The following ITGB6 variants were observed in gnomAD, a reference collection of about 807,000 sequenced individuals.
ITGB6 encodes the protein integrin beta-6.
Under a neutral mutation model 84.5 loss-of-function variants are expected in ITGB6, and 80 were observed. That is an observed-to-expected ratio of 0.95 (90% CI 0.79 to 1.14). The LOEUF (loss-of-function observed/expected upper bound fraction) is 1.14. Ranked by LOEUF, ITGB6 falls within the 50% of genes most tolerant of loss-of-function variation. ITGB6 has a pLI of 0.00. For missense variants in ITGB6, 1,006 were observed against 968.0 expected (o/e 1.04, Z -0.52); for synonymous variants, 383 against 354.9 (o/e 1.08, Z -0.89).
At chr2:160,138,036 T>C (rs1683828646) in intron 9 of ITGB6, 29 bp downstream of exon 9, 1 of 1,593,186 alleles carries the variant, frequency 6.3e-7, no homozygotes, top group South Asian at 1.2e-5. Flanking sequence ...CAGGTATTTA[T>C]TCAGACTATC....
rs1475767024 is a variant in ITGB6, at chr2:160,138,189, G to A, written c.1118C>T (p.Ser373Phe). 1.2e-6 allele frequency: 2 copies of A among 1,608,490 alleles called. No homozygotes were observed. Among genetic ancestry groups the A allele is most frequent in the African/African-American group, 1.3e-5 (1 of 74,578 alleles). ...TCCTAATACTTCCAGTTCCACCTCA[G>A]ACCGCAGTTCCTTTAGTTACAACAT... ...LIISAYEELRSEVELEVLGDT... is the reference protein window; with the variant it reads ...LIISAYEELRFEVELEVLGDT... Residue 373 changes from serine (S) to phenylalanine (F), a missense_variant, in exon 9 of 15, where the codon TCT (serine) becomes TTT (phenylalanine). Transcript: ENST00000283249.
intron 7 of ITGB6, among the ~76,000 whole-genome samples, chr2:160,152,910 C>A (rs972802858): frequency 6.6e-6 from 1 of 151,932 alleles, no homozygotes; most frequent in African/African-American, 2.4e-5. Context: ...AGGACCTCTT[C>A]AAGGCAAACT....
chr2:160,137,348 C>G, intron 10 of ITGB6, 86 bp downstream of exon 10: 1 of 1,286,064 alleles, frequency 7.8e-7, no homozygotes, highest in South Asian at 1.4e-5. Flanking sequence ...CTACTGTGCC[C>G]AGGAAACTGG....
intron 13 of ITGB6, among the ~76,000 whole-genome samples, chr2:160,109,974 A>G (rs1410436214): frequency 6.6e-6 from 1 of 152,242 alleles, no homozygotes; most frequent in East Asian, 1.9e-4. Context: ...TTTGGATAAC[A>G]TCGTAAATAA....
chr2:160,148,009 T>C (rs965570822), intron 7 of ITGB6, among the ~76,000 whole-genome samples: 1 of 152,224 alleles, frequency 6.6e-6, no homozygotes, highest in Non-Finnish European at 1.5e-5. Flanking sequence ...TGAAAGATGA[T>C]GTCAAAAGAA....
intron 14 of ITGB6, among the ~76,000 whole-genome samples, chr2:160,107,206 T>C (rs182473852): frequency 6.6e-6 from 1 of 152,332 alleles, no homozygotes; most frequent in Admixed American, 6.5e-5. Context: ...CATCTCAATT[T>C]TGCTTTGTAA....
chr2:160,180,849 C>G (rs1265632665), intron 4 of ITGB6, among the ~76,000 whole-genome samples: 1 of 152,170 alleles, frequency 6.6e-6, no homozygotes, highest in African/African-American at 2.4e-5. Context: ...TGAGCCGAAG[C>G]AGGGTGGGGC....
intron 6 of ITGB6, among the ~76,000 whole-genome samples, chr2:160,171,374 G>A (rs1262272760): frequency 3.0e-5 from 4 of 133,854 alleles, no homozygotes; most frequent in African/African-American, 5.5e-5. Context: ...TCGCTCTGTC[G>A]CCCAGGCTAG....
intron 10 of ITGB6, among the ~76,000 whole-genome samples, chr2:160,136,696 A>G (rs1254556374): frequency 1.3e-5 from 2 of 152,262 alleles, no homozygotes; most frequent in Non-Finnish European, 2.9e-5. Flanking sequence ...TGTGGCACAT[A>G]TACGCCATGG....
chr2:160,112,226 G>A (rs777425736), intron 12 of ITGB6, 27 bp from the exon 13 acceptor site: 1 of 1,539,372 alleles, frequency 6.5e-7, no homozygotes, highest in Non-Finnish European at 8.8e-7. Context: ...CATTCATTAG[G>A]TTAAACAAGA....
At chr2:160,116,100 C>A (rs1237357513) in intron 12 of ITGB6, among the ~76,000 whole-genome samples, 3 of 147,344 alleles carry the variant, frequency 2.0e-5, no homozygotes, top group African/African-American at 7.6e-5. Flanking sequence ...AGGATATTAT[C>A]CAGGAGAACT....
At chr2:160,118,955 C>T (rs1465103297) in intron 12 of ITGB6, among the ~76,000 whole-genome samples, 1 of 152,128 alleles carries the variant, frequency 6.6e-6, no homozygotes, top group East Asian at 1.9e-4. Flanking sequence ...ATCCAACTTA[C>T]AAGGGATGTG....
chr2:160,126,206 T>C (rs1423055495), intron 11 of ITGB6, among the ~76,000 whole-genome samples, 173 bp downstream of exon 11: 1 of 152,174 alleles, frequency 6.6e-6, no homozygotes, highest in African/African-American at 2.4e-5. Context: ...AGCGAGAGAT[T>C]GATGTTCCAG....
intron 7 of ITGB6, among the ~76,000 whole-genome samples, chr2:160,155,339 A>C (rs1341011545): frequency 6.6e-6 from 1 of 152,214 alleles, no homozygotes; most frequent in Non-Finnish European, 1.5e-5. Flanking sequence ...AACACAGAGA[A>C]GTTTTAAAGC....
intron 13 of ITGB6, among the ~76,000 whole-genome samples, chr2:160,110,835 T>A (rs1295041133): frequency 6.6e-6 from 1 of 152,154 alleles, no homozygotes; most frequent in African/African-American, 2.4e-5. Flanking sequence ...TGGGGACAGG[T>A]TCTGCTCTGC....
At position 160,110,107 on chromosome 2, in the gene ITGB6, T is replaced by C. The variant is rs149125191; in HGVS notation, c.2101+1973A>G. On this transcript the variant is annotated intron_variant, in intron 13 of 14. Transcript: ENST00000283249. ...ATCTAACATCTTTTTGTGATTCAGA[T>C]AGTTATGATGATTGTACAGCCAGTA... Among the ~76,000 whole-genome samples, 637 of 152,286 alleles carry C rather than the reference T, an allele frequency of 4.2e-3. 1 individual carries two copies. Among genetic ancestry groups the C allele is most frequent in the African/African-American group, 0.014 (597 of 41,562 alleles).
chr2:160,172,465 C>T lies in ITGB6; in HGVS notation c.921+104G>A, dbSNP rs149319210. 3.8e-4 allele frequency: 419 copies of T among 1,108,262 alleles called. 1 individual carries two copies. The African/African-American group carries it at 5.7e-3, about 15-fold the overall frequency. 68.7% of individuals were successfully genotyped at this position (1,108,262 alleles called of 1,614,324 possible). ...TGTTAATCCCACATTAGAAAATGTG[C>T]ACTGCTTTCACCAAGTGTATGTTAT... On this transcript the variant is annotated intron_variant, in intron 6 of 14. Transcript: ENST00000283249.
At chr2:160,111,595 A>C in intron 13 of ITGB6, among the ~76,000 whole-genome samples, 1 of 106,510 alleles carries the variant, frequency 9.4e-6, no homozygotes, top group Non-Finnish European at 1.8e-5. Flanking sequence ...AAGTCATCTT[A>C]GCTGTTTTTT....
At chr2:160,170,364 T>C (rs1685155159) in intron 6 of ITGB6, among the ~76,000 whole-genome samples, 2 of 152,256 alleles carry the variant, frequency 1.3e-5, no homozygotes, top group South Asian at 4.1e-4. Flanking sequence ...GGCTATGTCA[T>C]ATGTGATTTC....
Sources: gnomAD v4.1 joint callset for allele counts (sites outside exome capture counted in the v4.1 genomes callset) on GRCh38, gnomAD v4.1.1 for gene constraint, MANE v1.5 for transcripts, NCBI Gene and HGNC (gene_info 2026-07-23, HGNC 2026-07-21) for gene names.